BCAS3: variants seen among roughly 807,000 people sequenced by gnomAD.
BCAS3 encodes BCAS3 microtubule associated cell migration factor.
A neutral mutation model predicts 116.1 loss-of-function variants in BCAS3; 53 were observed. The ratio of observed to expected loss-of-function variants is 0.46; its 90% CI spans 0.37 to 0.57. BCAS3 has a LOEUF of 0.57. BCAS3 is among the 20% of genes least tolerant of loss of function. The pLI, the probability that BCAS3 is intolerant of heterozygous loss-of-function variation, is 0.00. For missense variants in BCAS3, 917 were observed against 1,165.4 expected (o/e 0.79, Z 3.10); for synonymous variants, 391 against 408.2 (o/e 0.96, Z 0.51).
intron 6 of BCAS3, among the ~76,000 whole-genome samples, chr17:60,789,403 G>T (rs746650762): frequency 3.9e-5 from 6 of 152,090 alleles, no homozygotes; most frequent in Non-Finnish European, 5.9e-5. Context: ...GAATTTTGTT[G>T]CGTGGGAGAG....
chr17:60,777,665 G>T (rs943536718), intron 6 of BCAS3, among the ~76,000 whole-genome samples: 5 of 151,856 alleles, frequency 3.3e-5, no homozygotes, highest in Non-Finnish European at 5.9e-5. Flanking sequence ...AAACTCACAG[G>T]TTATTTCTCA....
chr17:61,160,025 G>T (rs2078077960), intron 22 of BCAS3, among the ~76,000 whole-genome samples: 4 of 147,214 alleles, frequency 2.7e-5, no homozygotes, highest in East Asian at 3.9e-4. Context: ...CAGTCTCGCT[G>T]GTATCTTTGA....
chr17:61,322,834 G>GAGAGAGAC (rs2055384066), intron 22 of BCAS3, among the ~76,000 whole-genome samples: 1 of 131,792 alleles, frequency 7.6e-6, no homozygotes, highest in African/African-American at 3.4e-5. Flanking sequence ...GAGAGACAGA[G>GAGAGAGAC]AGAGAGAGAG....
chr17:60,959,728 G>T (rs1418077315), intron 14 of BCAS3, among the ~76,000 whole-genome samples: 1 of 152,114 alleles, frequency 6.6e-6, no homozygotes, highest in Non-Finnish European at 1.5e-5. Flanking sequence ...ACAACAAATT[G>T]CCATGAACTT....
intron 7 of BCAS3, among the ~76,000 whole-genome samples, chr17:60,833,875 C>T (rs1197764417): frequency 6.6e-6 from 1 of 152,110 alleles, no homozygotes; most frequent in African/African-American, 2.4e-5. Flanking sequence ...AATAAGAAAA[C>T]ATTTTACTTC....
At chr17:60,942,178 C>T (rs1229186035) in intron 13 of BCAS3, among the ~76,000 whole-genome samples, 1 of 152,196 alleles carries the variant, frequency 6.6e-6, no homozygotes, top group Non-Finnish European at 1.5e-5. Flanking sequence ...GTAACACCAG[C>T]ACTTTGGGAG....
rs544926535 is a variant in BCAS3 at position 60,919,285 on chromosome 17, G to C, written c.994-5122G>C. ...ATTTCCTTGCTTTTTCATATTTCTT[G>C]TGTCCTTTCATTGATGTCTGTGCAT... On this transcript the variant is annotated intron_variant, in intron 12 of 23. Coordinates refer to ENST00000407086, the MANE Select transcript of BCAS3 (RefSeq NM_017679.5). Among the ~76,000 whole-genome samples the C allele has an allele frequency of 4.6e-5, 7 of 151,942 alleles. No homozygotes were observed. In the South Asian group the frequency reaches 1.5e-3, roughly 32 times the overall value.
chr17:60,809,052 G>A (rs2048542907), intron 7 of BCAS3, among the ~76,000 whole-genome samples: 1 of 152,150 alleles, frequency 6.6e-6, no homozygotes, highest in African/African-American at 2.4e-5. Context: ...GGGAGGCTGA[G>A]GCAGGCAGAT....
intron 13 of BCAS3, among the ~76,000 whole-genome samples, chr17:60,945,298 T>G (rs1326940618): frequency 6.6e-6 from 1 of 152,154 alleles, no homozygotes; most frequent in African/African-American, 2.4e-5. Flanking sequence ...AGGCACAATA[T>G]TAGGATAACA....
intron 22 of BCAS3, among the ~76,000 whole-genome samples, chr17:61,293,290 G>T (rs984261320): frequency 2.0e-5 from 3 of 152,122 alleles, no homozygotes; most frequent in Admixed American, 2.0e-4. Flanking sequence ...TAGAAATCGT[G>T]CAGGTTGGAA....
At chr17:60,934,932 G>A in intron 13 of BCAS3, among the ~76,000 whole-genome samples, 1 of 152,098 alleles carries the variant, frequency 6.6e-6, no homozygotes, top group East Asian at 1.9e-4. Context: ...GCCAAGGTGG[G>A]CGAATCACTT....
chr17:61,350,424 A>G (rs919502591), intron 22 of BCAS3, among the ~76,000 whole-genome samples: 1 of 149,512 alleles, frequency 6.7e-6, no homozygotes, highest in African/African-American at 2.4e-5. Context: ...CAATAAATAA[A>G]TAAATAAATA....
chr17:61,177,727 T>C (rs2079227770), intron 22 of BCAS3, among the ~76,000 whole-genome samples: 1 of 152,204 alleles, frequency 6.6e-6, no homozygotes, highest in Non-Finnish European at 1.5e-5. Context: ...TATCAAAATA[T>C]ATTCTCAAGG....
At chr17:61,292,426 A>G (rs1394356732) in intron 22 of BCAS3, among the ~76,000 whole-genome samples, 1 of 152,130 alleles carries the variant, frequency 6.6e-6, no homozygotes, top group African/African-American at 2.4e-5. Context: ...CGAGGTGGGC[A>G]GATCACTTTG....
At chr17:60,836,942 G>A (rs750429770) in intron 7 of BCAS3, among the ~76,000 whole-genome samples, 8 of 152,118 alleles carry the variant, frequency 5.3e-5, no homozygotes, top group Non-Finnish European at 1.0e-4. Context: ...AATTCTTTTT[G>A]ACATTTGTTG....
At chr17:60,692,191 T>C (rs1263904532) in intron 4 of BCAS3, among the ~76,000 whole-genome samples, 1 of 152,202 alleles carries the variant, frequency 6.6e-6, no homozygotes, top group Non-Finnish European at 1.5e-5. Flanking sequence ...CTTCAGGTTA[T>C]CTTTTGTTCT....
rs576014589 is a variant in BCAS3, at chr17:61,008,885, C to A, written c.1487-6866C>A. Among the ~76,000 whole-genome samples, 163 of 151,946 alleles carry A rather than the reference C, an allele frequency of 1.1e-3. No homozygotes were observed. The highest frequency in any genetic ancestry group is 2.0e-3 in the Non-Finnish European group (139 of 67,908). Reference sequence around the variant, plus strand: ...CCGTAGAATTGTCTTCTGAGGAGTGCCAGAGAGTCACATTGACCTCGGGCT... The same window carrying A: ...CCGTAGAATTGTCTTCTGAGGAGTGACAGAGAGTCACATTGACCTCGGGCT... On this transcript the variant is annotated intron_variant, in intron 15 of 23. Transcript: ENST00000407086. The surrounding 1 kb of genome is among the most constrained non-coding windows in gnomAD (Gnocchi z 4.6).
At chr17:61,358,485 T>C (rs2058275743) in intron 22 of BCAS3, among the ~76,000 whole-genome samples, 1 of 146,292 alleles carries the variant, frequency 6.8e-6, no homozygotes, top group Admixed American at 7.3e-5. Context: ...AGGTCAGTAG[T>C]TGGGCACGTT....
chr17:60,701,467 T>G (rs2036375589), intron 4 of BCAS3, among the ~76,000 whole-genome samples: 1 of 152,208 alleles, frequency 6.6e-6, no homozygotes, highest in Admixed American at 6.5e-5. Flanking sequence ...GGGTTTGAAC[T>G]GTGCGGGTCC....
Sources: allele counts gnomAD v4.1 joint callset (sites outside exome capture counted in the v4.1 genomes callset), GRCh38; gene constraint gnomAD v4.1.1; non-coding constraint Gnocchi (gnomAD v3.1); transcripts MANE v1.5; gene names NCBI Gene and HGNC (gene_info 2026-07-23, HGNC 2026-07-21).